The following MPDZ variants were observed in gnomAD, a reference collection of about 807,000 sequenced individuals.
MPDZ encodes multiple PDZ domain protein.
Under a neutral mutation model 239.1 loss-of-function variants are expected in MPDZ, and 234 were observed. The observed-to-expected ratio is 0.98, with a 90% CI of 0.88 to 1.09. The LOEUF is 1.09. Among genes scored for constraint, MPDZ ranks in the 50% least tolerant of loss-of-function variants. MPDZ has a pLI of 0.00. For missense variants in MPDZ, 3,175 were observed against 2,510.0 expected (o/e 1.26, Z -5.66); for synonymous variants, 1,048 against 881.3 (o/e 1.19, Z -3.35).
chr9:13,255,535 A>G (rs1184129404), intron 1 of MPDZ, among the ~76,000 whole-genome samples: 1 of 152,220 alleles, frequency 6.6e-6, no homozygotes, highest in Non-Finnish European at 1.5e-5. Context: ...TTGAAAGTCA[A>G]AATTACTCTG....
At chr9:13,114,467 GAGA>G (rs1226082423) in intron 40 of MPDZ, among the ~76,000 whole-genome samples, 2 of 152,144 alleles carry the variant, frequency 1.3e-5, no homozygotes, top group African/African-American at 4.8e-5. Context: ...CAACACTGAG[GAGA>G]AGGTCAAGAG....
intron 10 of MPDZ, among the ~76,000 whole-genome samples, chr9:13,208,501 G>C (rs1957245557): frequency 6.6e-6 from 1 of 151,106 alleles, no homozygotes; most frequent in South Asian, 2.1e-4. Context: ...CTCCAAGATG[G>C]AGTACCCTTA....
chr9:13,136,320 G>GTTTTATT (rs1444109820), intron 30 of MPDZ, 138 bp from the exon 31 acceptor site: 2 of 193,256 alleles, frequency 1.0e-5, no homozygotes, highest in East Asian at 2.3e-4. Flanking sequence ...ATTTACAAAC[G>GTTTTATT]TTTTCTTTTT....
intron 3 of MPDZ, among the ~76,000 whole-genome samples, chr9:13,231,901 T>C (rs1026396125): frequency 6.6e-6 from 1 of 152,124 alleles, no homozygotes; most frequent in Non-Finnish European, 1.5e-5. Context: ...ATGACCAAGT[T>C]GGGCATTCCA....
Position 13,115,247 on chromosome 9 carries a change from C to T in MPDZ, c.5466+1G>A, listed in dbSNP as rs764687205. On this transcript the variant is annotated splice_donor_variant, in intron 40 of 46. Coordinates refer to ENST00000319217, the MANE Select transcript of MPDZ (RefSeq NM_001378778.1). LOFTEE classifies it high-confidence loss of function. The stretch of plus-strand genomic sequence containing the variant: ...CCCTGATGAACTCCACAGCTACCCA[C>T]CTGGCTGCTTTGAGATGGCCTCCTC... 1.2e-6 allele frequency: 2 copies of T among 1,611,944 alleles called. No homozygotes were observed. The highest frequency in any genetic ancestry group is 8.5e-7 in the Non-Finnish European group (1 of 1,179,242).
At chr9:13,206,208 A>C in intron 10 of MPDZ, 109 bp from the exon 11 acceptor site, 2 of 1,022,678 alleles carry the variant, frequency 2.0e-6, no homozygotes, top group Non-Finnish European at 2.8e-6. Flanking sequence ...AGAATGGAGA[A>C]TAAGTATTCA....
At chr9:13,234,506 GA>G (rs934420545) in intron 3 of MPDZ, among the ~76,000 whole-genome samples, 1 of 151,970 alleles carries the variant, frequency 6.6e-6, no homozygotes, top group Non-Finnish European at 1.5e-5. Flanking sequence ...TCTGTTTTAT[GA>G]TTCTGTTATT....
chr9:13,236,615 CTTT>C (rs1964115814), intron 3 of MPDZ, among the ~76,000 whole-genome samples: 1 of 151,686 alleles, frequency 6.6e-6, no homozygotes, highest in African/African-American at 2.4e-5. Flanking sequence ...TTTTCTTCTT[CTTT>C]AAGAAGGCCT....
At chr9:13,170,731 T>A (rs1264855229) in intron 21 of MPDZ, among the ~76,000 whole-genome samples, 1 of 152,162 alleles carries the variant, frequency 6.6e-6, no homozygotes, top group African/African-American at 2.4e-5. Flanking sequence ...GCCAACATGA[T>A]CTCTGAATTC....
chr9:13,248,025 G>A (rs1334502806), intron 2 of MPDZ, among the ~76,000 whole-genome samples: 6 of 152,068 alleles, frequency 3.9e-5, no homozygotes, highest in Admixed American at 2.6e-4. Flanking sequence ...TCAGGAGTTC[G>A]AGACCAGCCT....
At chr9:13,175,963 T>A in intron 20 of MPDZ, 88 bp from the exon 21 acceptor site, 1 of 1,472,528 alleles carries the variant, frequency 6.8e-7, no homozygotes, top group Non-Finnish European at 9.0e-7. Flanking sequence ...TGTTCTCTAA[T>A]TGATTGTGCT....
Position 13,216,658 on chromosome 9 carries a change from C to T in MPDZ, c.1290+116G>A, listed in dbSNP as rs1958383456. 4.6e-6 allele frequency: 3 copies of T among 658,442 alleles called. 1 individual carries two copies. Among genetic ancestry groups the T allele is most frequent in the South Asian group, 2.6e-5 (1 of 39,124 alleles). 40.8% of individuals were successfully genotyped at this position (658,442 alleles called of 1,614,324 possible). Reference sequence around the variant, plus strand: ...TAATTGTAATAATAGCCTCAAGTCACCAAAAAAGCTTAAATTAGTACAGAG... The same window carrying T: ...TAATTGTAATAATAGCCTCAAGTCATCAAAAAAGCTTAAATTAGTACAGAG... On this transcript the variant is annotated intron_variant, in intron 10 of 46. Coordinates refer to ENST00000319217, the MANE Select transcript of MPDZ (RefSeq NM_001378778.1).
At chr9:13,173,994 T>A (rs1952135256) in intron 21 of MPDZ, among the ~76,000 whole-genome samples, 1 of 152,112 alleles carries the variant, frequency 6.6e-6, no homozygotes. Context: ...ATTTTGCCAG[T>A]CATCATACCA....
chr9:13,232,586 T>C (rs1256985025), intron 3 of MPDZ, among the ~76,000 whole-genome samples: 1 of 151,756 alleles, frequency 6.6e-6, no homozygotes, highest in African/African-American at 2.4e-5. Flanking sequence ...AAAATCTCTG[T>C]ATTTTAGAAG....
chr9:13,176,953 C>G (rs544344037), intron 19 of MPDZ, among the ~76,000 whole-genome samples: 1 of 151,966 alleles, frequency 6.6e-6, no homozygotes, highest in Non-Finnish European at 1.5e-5. Flanking sequence ...TTCAAATTAT[C>G]GTAGGAAAAA....
rs1197445252 is a variant in MPDZ, at chr9:13,175,686, A to G, written c.3055+66T>C. On this transcript the variant is annotated intron_variant, in intron 21 of 46. Coordinates refer to ENST00000319217, the MANE Select transcript of MPDZ (RefSeq NM_001378778.1). ...ACAGCATAAAAAATTGAAATTTACCATGTTCAATATTTCCCCTTGTCAAGG... is the reference window on the plus strand; with the variant it reads ...ACAGCATAAAAAATTGAAATTTACCGTGTTCAATATTTCCCCTTGTCAAGG... 3 of 1,487,586 alleles carry G rather than the reference A, an allele frequency of 2.0e-6. No individual in the cohort carries two copies. The African/African-American group carries it at 4.2e-5, about 21-fold the overall frequency. The allele number at this position is 1,487,586 out of a possible 1,614,324, so 92.1% of individuals were successfully genotyped here.
rs948308309 is a variant in MPDZ, at chr9:13,206,238, G to GT, written c.1291-140dup. 129 of 763,556 alleles carry GT rather than the reference G, an allele frequency of 1.7e-4. No homozygotes were observed. The African/African-American group carries it at 1.8e-3, about 11-fold the overall frequency. The allele number at this position is 763,556 out of a possible 1,614,324, so 47.3% of individuals were successfully genotyped here. On this transcript the variant is annotated intron_variant, in intron 10 of 46. Coordinates refer to ENST00000319217, the MANE Select transcript of MPDZ (RefSeq NM_001378778.1). ...TATTCACCTTATCAGGGAATTGACA[G>GT]TAAGACCCTAATATCTCTTTGGAAA...
At chr9:13,186,576 G>C (rs1011614103) in intron 17 of MPDZ, among the ~76,000 whole-genome samples, 190 bp from the exon 18 acceptor site, 1 of 152,060 alleles carries the variant, frequency 6.6e-6, no homozygotes, top group African/African-American at 2.4e-5. Flanking sequence ...ACATTCATTT[G>C]ATAAGACACA....
At chr9:13,215,954 T>C (rs945288766) in intron 10 of MPDZ, among the ~76,000 whole-genome samples, 1 of 146,386 alleles carries the variant, frequency 6.8e-6, no homozygotes, top group African/African-American at 2.5e-5. Context: ...TGTTTTTTTT[T>C]TTTTTTTTTT....
Sources: gnomAD v4.1 joint callset for allele counts (sites outside exome capture counted in the v4.1 genomes callset) on GRCh38, gnomAD v4.1.1 for gene constraint, MANE v1.5 for transcripts, NCBI Gene and HGNC (gene_info 2026-07-23, HGNC 2026-07-21) for gene names.